Variants in AGBL1 observed in about 807,000 individuals in gnomAD.
AGBL1 encodes cytosolic carboxypeptidase 4.
In AGBL1, 130 loss-of-function variants were observed where a neutral mutation model predicts 118.9. The ratio of observed to expected loss-of-function variants is 1.09; its 90% confidence interval spans 0.95 to 1.26. The LOEUF (loss-of-function observed/expected upper bound fraction) is 1.26, where lower values mean the gene tolerates loss of function less well. AGBL1 is among the 50% of genes most tolerant of loss of function. The probability of loss-of-function intolerance (pLI) is 0.00; values close to 1 mark genes in which losing one functional copy is unlikely to be tolerated. For missense variants in AGBL1, 1,584 were observed against 1,298.1 expected (o/e 1.22, Z -3.38); for synonymous variants, 555 against 478.9 (o/e 1.16, Z -2.08).
intron 23 of AGBL1, among the ~76,000 whole-genome samples, chr15:86,930,616 A>T (rs2080593335): frequency 6.6e-6 from 1 of 152,204 alleles, no homozygotes. Context: ...GAGCGAAAGA[A>T]AATACATTTA....
chr15:86,546,982 A>G (rs2083592550), intron 20 of AGBL1, among the ~76,000 whole-genome samples: 1 of 152,180 alleles, frequency 6.6e-6, no homozygotes, highest in African/African-American at 2.4e-5. Flanking sequence ...GGTTAATGAT[A>G]GTATTAAGAG....
At chr15:86,323,639 T>G (rs2141847884) in intron 17 of AGBL1, among the ~76,000 whole-genome samples, 1 of 152,272 alleles carries the variant, frequency 6.6e-6, no homozygotes, top group Admixed American at 6.5e-5. Context: ...CTAAATGTGG[T>G]TTAAGTGGTC....
chr15:86,404,659 C>T (rs1399095405), intron 18 of AGBL1, among the ~76,000 whole-genome samples: 1 of 152,154 alleles, frequency 6.6e-6, no homozygotes, highest in Non-Finnish European at 1.5e-5. Context: ...TCTCTGAGAT[C>T]CCAAACAATT....
chr15:86,769,065 G>A (rs192295965), intron 22 of AGBL1, among the ~76,000 whole-genome samples: 82 of 152,000 alleles, frequency 5.4e-4, no homozygotes, highest in African/African-American at 1.9e-3. Context: ...AGTTGCCAGT[G>A]TCCAATCCTT....
At chr15:86,623,362 G>A (rs557374673) in intron 21 of AGBL1, among the ~76,000 whole-genome samples, 1 of 152,280 alleles carries the variant, frequency 6.6e-6, no homozygotes, top group Non-Finnish European at 1.5e-5. Flanking sequence ...AGGGTTTGAG[G>A]GCAACAGCTA....
chr15:86,403,453 T>C (rs2081477824), intron 18 of AGBL1, among the ~76,000 whole-genome samples: 1 of 152,158 alleles, frequency 6.6e-6, no homozygotes, highest in Non-Finnish European at 1.5e-5. Flanking sequence ...CAAATCAAGC[T>C]ATAAAAATCA....
At chr15:86,952,157 GCAGA>G (rs1320714932) in intron 23 of AGBL1, among the ~76,000 whole-genome samples, 3 of 151,092 alleles carry the variant, frequency 2.0e-5, no homozygotes. Context: ...CTTGAAAGCA[GCAGA>G]CAGAGTTTGC....
At chr15:86,290,864 T>G (rs922418321) in intron 16 of AGBL1, among the ~76,000 whole-genome samples, 1 of 150,576 alleles carries the variant, frequency 6.6e-6, no homozygotes, top group African/African-American at 2.4e-5. Flanking sequence ...CAACAGTCCC[T>G]AGAGTGTGAT....
At chr15:86,540,336 G>C (rs2142239595) in intron 19 of AGBL1, among the ~76,000 whole-genome samples, 1 of 152,250 alleles carries the variant, frequency 6.6e-6, no homozygotes, top group East Asian at 1.9e-4. Flanking sequence ...GCTCACACCT[G>C]TAATCCTAGC....
At position 86,246,247 on chromosome 15, in the gene AGBL1, G is replaced by A. The variant is rs76437951; in HGVS notation, c.527-1424G>A. Reference sequence around the variant, plus strand: ...AAGAGTGGCTGTAAGCCACTGATAGGGGGTAAAGTTAGTTGGGGTGTGTGG... The same window carrying A: ...AAGAGTGGCTGTAAGCCACTGATAGAGGGTAAAGTTAGTTGGGGTGTGTGG... On this transcript the variant is annotated intron_variant, in intron 6 of 22. Transcript: ENST00000614907. Among the ~76,000 whole-genome samples the A allele has an allele frequency of 5.6e-3, 856 of 152,296 alleles. 8 individuals are homozygous for A. Among genetic ancestry groups the A allele is most frequent in the African/African-American group, 0.02 (818 of 41,564 alleles).
At chr15:86,120,171 C>G (rs1325062532) in intron 1 of AGBL1, among the ~76,000 whole-genome samples, 1 of 152,188 alleles carries the variant, frequency 6.6e-6, no homozygotes, top group African/African-American at 2.4e-5. Flanking sequence ...TCATCTTTTG[C>G]TTTCTCCTGC....
At chr15:86,369,497 G>A (rs986071244) in intron 17 of AGBL1, among the ~76,000 whole-genome samples, 3 of 152,150 alleles carry the variant, frequency 2.0e-5, no homozygotes, top group African/African-American at 7.2e-5. Context: ...TGACTGGAAA[G>A]TAGAGGGGGA....
At chr15:86,831,051 A>T (rs2079097610) in intron 22 of AGBL1, among the ~76,000 whole-genome samples, 1 of 152,184 alleles carries the variant, frequency 6.6e-6, no homozygotes, top group African/African-American at 2.4e-5. Context: ...GGCTACAGGC[A>T]AGAGAGAGCA....
At chr15:86,350,038 G>A (rs1283173793) in intron 17 of AGBL1, among the ~76,000 whole-genome samples, 1 of 152,220 alleles carries the variant, frequency 6.6e-6, no homozygotes, top group African/African-American at 2.4e-5. Context: ...AGTGGAAGAA[G>A]CATCTTCTCC....
chr15:86,880,448 T>C (rs1482608399), intron 22 of AGBL1, among the ~76,000 whole-genome samples: 2 of 152,196 alleles, frequency 1.3e-5, no homozygotes, highest in East Asian at 1.9e-4. Flanking sequence ...CAATTGCTTA[T>C]GTCAGGAGGG....
rs569223852 is a variant in AGBL1, at chr15:86,161,991, T to A, written c.488+2965T>A. Among the ~76,000 whole-genome samples the A allele has an allele frequency of 7.4e-4, 113 of 152,358 alleles. 1 individual carries two copies. The Middle Eastern group carries it at 0.014, about 18-fold the overall frequency. ...GACATGCTATGACATTGTTAATCAT[T>A]ATTAATACAAATACTATGGGATGTC... On this transcript the variant is annotated intron_variant, in intron 5 of 22. Transcript: ENST00000614907.
At chr15:86,426,789 T>A (rs896784441) in intron 18 of AGBL1, among the ~76,000 whole-genome samples, 1 of 152,192 alleles carries the variant, frequency 6.6e-6, no homozygotes, top group Non-Finnish European at 1.5e-5. Context: ...TATTAAGAGA[T>A]GGAGTCTCAC....
chr15:86,864,684 C>T (rs999349855), intron 22 of AGBL1, among the ~76,000 whole-genome samples: 2 of 152,104 alleles, frequency 1.3e-5, no homozygotes, highest in African/African-American at 4.8e-5. Flanking sequence ...TGTTTTATAG[C>T]AGGAAGGCAT....
At chr15:86,095,772 C>G (rs1896339732) in intron 1 of AGBL1, among the ~76,000 whole-genome samples, 2 of 149,370 alleles carry the variant, frequency 1.3e-5, no homozygotes, top group African/African-American at 4.9e-5. Flanking sequence ...GAAGGGGAGA[C>G]CTTGGAGGAA....
Sources: allele counts gnomAD v4.1 joint callset (sites outside exome capture counted in the v4.1 genomes callset), GRCh38; gene constraint gnomAD v4.1.1; transcripts MANE v1.5; gene names NCBI Gene and HGNC (gene_info 2026-07-23, HGNC 2026-07-21).